Variants in GLI2 observed in about 807,000 individuals in gnomAD.
GLI2 encodes transcription activator GLI2.
GLI2 carries 22 observed loss-of-function variants against 78.9 expected under a neutral mutation model. The observed-to-expected ratio is 0.28, with a 90% CI of 0.20 to 0.40. The LOEUF is 0.40. Among genes scored for constraint, GLI2 ranks in the 10% least tolerant of loss-of-function variants. The probability of loss-of-function intolerance (pLI) is 1.00; values close to 1 mark genes in which losing one functional copy is unlikely to be tolerated. For synonymous variants in GLI2, 974 were observed against 963.7 expected (o/e 1.01, Z -0.20); for missense variants, 2,097 against 2,213.2 (o/e 0.95, Z 1.05).
At chr2:120,753,376 G>A (rs1412919636) in intron 1 of GLI2, among the ~76,000 whole-genome samples, 2 of 152,132 alleles carry the variant, frequency 1.3e-5, no homozygotes, top group African/African-American at 2.4e-5. Flanking sequence ...GATTACAGGC[G>A]TGAGCCACTG....
chr2:120,793,450 A>G (rs997998083), intron 1 of GLI2, among the ~76,000 whole-genome samples: 8 of 152,114 alleles, frequency 5.3e-5, no homozygotes, highest in Non-Finnish European at 1.2e-4. Flanking sequence ...AGATGAGACT[A>G]TCCGCTTTGG....
intron 3 of GLI2, among the ~76,000 whole-genome samples, chr2:120,931,198 T>C (rs145403763): frequency 1.3e-5 from 2 of 152,340 alleles, no homozygotes; most frequent in African/African-American, 4.8e-5. Context: ...GCAGGGCTGG[T>C]TCCTTCTGGA....
At chr2:120,855,642 G>T (rs536028279) in intron 2 of GLI2, among the ~76,000 whole-genome samples, 1 of 152,234 alleles carries the variant, frequency 6.6e-6, no homozygotes, top group African/African-American at 2.4e-5. Context: ...TGAAACTACT[G>T]CGAGCTCACT....
At chr2:120,859,972 T>G (rs1041432383) in intron 2 of GLI2, among the ~76,000 whole-genome samples, 2 of 152,162 alleles carry the variant, frequency 1.3e-5, no homozygotes, top group Admixed American at 6.5e-5. Flanking sequence ...TTTTTTGTTA[T>G]TAATAAGTTA....
At position 120,966,871 on chromosome 2, in the gene GLI2, G is replaced by A. The variant is rs189776796; in HGVS notation, c.644-1843G>A. The stretch of plus-strand genomic sequence containing the variant: ...CTGTGGAGACATAAGGAACTGCCAC[G>A]TGCATGATTCAGAGTGGCCCTAAGG... On this transcript the variant is annotated intron_variant, in intron 5 of 13. Transcript: ENST00000361492. Among the ~76,000 whole-genome samples, 216 of 152,302 alleles carry A rather than the reference G, an allele frequency of 1.4e-3. 2 individuals are homozygous for A. The highest frequency in any genetic ancestry group is 4.9e-3 in the African/African-American group (202 of 41,576).
Position 120,786,711 on chromosome 2 carries a change from CA to C in GLI2, c.-30-10579del, listed in dbSNP as rs1684007017. Reference sequence around the variant, plus strand: ...GGCATTCTTATGCAGTGCTGGCAAACACTGCCCATGGCAGACAGTACAAGTT... The same window carrying C: ...GGCATTCTTATGCAGTGCTGGCAAACCTGCCCATGGCAGACAGTACAAGTT... On this transcript the variant is annotated intron_variant, in intron 1 of 13. Coordinates refer to ENST00000361492, the MANE Select transcript of GLI2 (RefSeq NM_001374353.1). Among the ~76,000 whole-genome samples the C allele has an allele frequency of 2.0e-5, 3 of 151,982 alleles. No homozygotes were observed. In the East Asian group the frequency reaches 5.8e-4, roughly 29 times the overall value.
chr2:120,841,751 G>T (rs1376136870), intron 2 of GLI2, among the ~76,000 whole-genome samples: 1 of 152,170 alleles, frequency 6.6e-6, no homozygotes, highest in African/African-American at 2.4e-5. Flanking sequence ...TGGGGGAGAG[G>T]CCTGTCCCTA....
intron 1 of GLI2, among the ~76,000 whole-genome samples, chr2:120,785,597 G>C (rs1683975257): frequency 6.6e-6 from 1 of 152,192 alleles, no homozygotes; most frequent in African/African-American, 2.4e-5. Context: ...CCCTGGATCT[G>C]CAGTCAGCAC....
At chr2:120,974,433 G>T (rs1682346465) in intron 8 of GLI2, among the ~76,000 whole-genome samples, 1 of 152,184 alleles carries the variant, frequency 6.6e-6, no homozygotes, top group South Asian at 2.1e-4. Flanking sequence ...ATCAGGTGAA[G>T]GAATTTCAGG....
intron 1 of GLI2, among the ~76,000 whole-genome samples, chr2:120,740,928 A>G (rs572470115): frequency 1.7e-4 from 26 of 152,342 alleles, no homozygotes; most frequent in African/African-American, 6.0e-4. Flanking sequence ...TGTGGCCTCC[A>G]GGCTGAGCAG....
chr2:120,811,516 T>G (rs1279905834), intron 2 of GLI2, among the ~76,000 whole-genome samples: 1 of 151,912 alleles, frequency 6.6e-6, no homozygotes, highest in African/African-American at 2.4e-5. Context: ...ACTGGGAAGG[T>G]GGAGGTGAGC....
chr2:120,756,007 C>A (rs1301205759), intron 1 of GLI2, among the ~76,000 whole-genome samples: 1 of 152,174 alleles, frequency 6.6e-6, no homozygotes, highest in Non-Finnish European at 1.5e-5. Context: ...AGTCAGGTAG[C>A]TTAGCTCTCT....
At chr2:120,879,227 G>T (rs566033040) in intron 2 of GLI2, among the ~76,000 whole-genome samples, 1 of 152,266 alleles carries the variant, frequency 6.6e-6, no homozygotes, top group African/African-American at 2.4e-5. Flanking sequence ...GCCAGACACT[G>T]TGCAGCCCAG....
chr2:120,952,473 G>C (rs1033492425), intron 4 of GLI2, among the ~76,000 whole-genome samples: 3 of 152,236 alleles, frequency 2.0e-5, no homozygotes, highest in Non-Finnish European at 4.4e-5. Context: ...CTCTGAGAAT[G>C]TGCAGGCTGG....
At chr2:120,779,033 A>G (rs1683762343) in intron 1 of GLI2, among the ~76,000 whole-genome samples, 1 of 152,200 alleles carries the variant, frequency 6.6e-6, no homozygotes, top group African/African-American at 2.4e-5. Context: ...GGAAGCACAA[A>G]GAAGGAAGAG....
At chr2:120,913,080 A>G (rs890398090) in intron 2 of GLI2, among the ~76,000 whole-genome samples, 1 of 152,226 alleles carries the variant, frequency 6.6e-6, no homozygotes, top group Non-Finnish European at 1.5e-5. Flanking sequence ...AGTCTGTAGG[A>G]AGCTAAGATT....
At chr2:120,920,480 G>A (rs1679315589) in intron 2 of GLI2, among the ~76,000 whole-genome samples, 1 of 152,214 alleles carries the variant, frequency 6.6e-6, no homozygotes, top group Non-Finnish European at 1.5e-5. Context: ...GGTTTCCGGG[G>A]AAGGGCTGTC....
At chr2:120,767,571 T>C (rs1683401133) in intron 1 of GLI2, among the ~76,000 whole-genome samples, 1 of 152,180 alleles carries the variant, frequency 6.6e-6, no homozygotes, top group Non-Finnish European at 1.5e-5. Flanking sequence ...GAAAAGAAAC[T>C]TTTTAATACA....
At chr2:120,938,058 A>C (rs1283415571) in intron 3 of GLI2, among the ~76,000 whole-genome samples, 1 of 152,168 alleles carries the variant, frequency 6.6e-6, no homozygotes, top group African/African-American at 2.4e-5. Flanking sequence ...GACTTTCTGG[A>C]AGATTTGGTT....
Sources: allele counts gnomAD v4.1 joint callset (sites outside exome capture counted in the v4.1 genomes callset), GRCh38; gene constraint gnomAD v4.1.1; transcripts MANE v1.5; gene names NCBI Gene and HGNC (gene_info 2026-07-23, HGNC 2026-07-21).